LRRC9: variants seen among roughly 807,000 people sequenced by gnomAD.
LRRC9 encodes the protein leucine-rich repeat-containing protein 9.
A neutral mutation model predicts 63.2 loss-of-function variants in LRRC9; 122 were observed. The observed-to-expected ratio is 1.93, with a 90% CI of 1.67 to 2.24. The LOEUF (loss-of-function observed/expected upper bound fraction) is 2.24. Among genes scored for constraint, LRRC9 ranks in the 30% most tolerant of loss-of-function variants. LRRC9 has a pLI of 0.00. For synonymous variants in LRRC9, 366 were observed against 213.1 expected, an observed-to-expected ratio of 1.72 and a Z score of -6.25; for missense variants, 1,071 against 627.7, an observed-to-expected ratio of 1.71 and a Z score of -7.55.
chr14:59,928,140 T>A, intron 2 of LRRC9, 128 bp from the exon 3 acceptor site: 1 of 568,184 alleles, frequency 1.8e-6, no homozygotes, highest in Admixed American at 3.4e-5. Flanking sequence ...ATATGTGATA[T>A]AACTTTCTCT....
rs138999050 is a variant in LRRC9 at position 60,040,141 on chromosome 14, C to T, written c.3990+8078C>T. On this transcript the variant is annotated intron_variant, in intron 29 of 31. Transcript: ENST00000445360. ...GTGGTCTGAGAGACAGTTATAATTT[C>T]TGTTCTTTTATATTTGCTGAGGAGT... Among the ~76,000 whole-genome samples the T allele has an allele frequency of 4.2e-3, 637 of 151,898 alleles. 5 individuals carry two copies. Among genetic ancestry groups the T allele is most frequent in the Middle Eastern group, 6.8e-3 (2 of 294 alleles).
intron 7 of LRRC9, among the ~76,000 whole-genome samples, chr14:59,939,340 AT>A (rs1881504630): frequency 6.6e-6 from 1 of 151,950 alleles, no homozygotes; most frequent in Non-Finnish European, 1.5e-5. Context: ...TAGAGGCCAG[AT>A]TATGTGAGAC....
intron 12 of LRRC9, among the ~76,000 whole-genome samples, chr14:59,968,180 G>T (rs1278011374): frequency 6.6e-6 from 1 of 152,146 alleles, no homozygotes; most frequent in African/African-American, 2.4e-5. Context: ...GACAAAAATG[G>T]AAAAATATTG....
intron 31 of LRRC9, among the ~76,000 whole-genome samples, chr14:60,059,598 T>C (rs1274919383): frequency 1.3e-5 from 2 of 152,332 alleles, no homozygotes; most frequent in Middle Eastern, 3.4e-3. Context: ...ATTGCTGATA[T>C]GGATAAAGTG....
intron 26 of LRRC9, among the ~76,000 whole-genome samples, chr14:60,020,159 C>G (rs1044397398): frequency 1.3e-5 from 2 of 151,858 alleles, no homozygotes; most frequent in Non-Finnish European, 2.9e-5. Context: ...TGCTCTCTCG[C>G]TATAATTTTG....
intron 14 of LRRC9, among the ~76,000 whole-genome samples, chr14:59,977,642 AAG>A (rs1886449373): frequency 6.6e-6 from 1 of 151,840 alleles, no homozygotes; most frequent in Admixed American, 6.6e-5. Context: ...GACTTTTAAC[AAG>A]AGTTTTAGAG....
intron 1 of LRRC9, among the ~76,000 whole-genome samples, chr14:59,924,611 C>G (rs886727104): frequency 6.6e-6 from 1 of 152,146 alleles, no homozygotes; most frequent in Non-Finnish European, 1.5e-5. Flanking sequence ...TGCTTTTGCT[C>G]CAAACCCTAC....
At chr14:59,957,467 T>C (rs1883887963) in intron 8 of LRRC9, among the ~76,000 whole-genome samples, 1 of 152,108 alleles carries the variant, frequency 6.6e-6, no homozygotes, top group Non-Finnish European at 1.5e-5. Flanking sequence ...TGCTGTGTTT[T>C]TCAGCTCCAT....
intron 20 of LRRC9, 50 bp downstream of exon 20, chr14:60,002,150 T>C: frequency 1.5e-6 from 1 of 659,952 alleles, no homozygotes; most frequent in African/African-American, 1.8e-5. Context: ...TTAAATCTAT[T>C]TTTAAGTCAG....
chr14:59,978,288 A>G (rs1886538527), intron 15 of LRRC9, among the ~76,000 whole-genome samples, 156 bp downstream of exon 15: 1 of 152,242 alleles, frequency 6.6e-6, no homozygotes, highest in South Asian at 2.1e-4. Flanking sequence ...AAACAAGTCA[A>G]CTAATATTTT....
At chr14:59,934,113 G>C (rs1594813789) in intron 6 of LRRC9, among the ~76,000 whole-genome samples, 1 of 151,628 alleles carries the variant, frequency 6.6e-6, no homozygotes, top group East Asian at 1.9e-4. Context: ...GAAATTATGA[G>C]ACTATGAATT....
intron 29 of LRRC9, among the ~76,000 whole-genome samples, chr14:60,038,553 T>C (rs1442705524): frequency 1.3e-5 from 2 of 152,220 alleles, no homozygotes; most frequent in Admixed American, 6.5e-5. Context: ...TCACTCACAA[T>C]TTGGCTCTCT....
In LRRC9 at chr14:60,053,376, T is replaced by G. The variant is rs2140438468; in HGVS notation, c.4131+171T>G. Among the ~76,000 whole-genome samples, 1 of 121,772 alleles carries G rather than the reference T, an allele frequency of 8.2e-6. No individual in the cohort carries two copies. The highest frequency in any genetic ancestry group is 2.9e-4 in the South Asian group (1 of 3,498). The allele number at this position is 121,772 out of a possible 152,430, so 79.9% of individuals were successfully genotyped here. A position where few individuals can be genotyped will look rare whatever the true frequency, so the allele number is the denominator to read the frequency against. On this transcript the variant is annotated intron_variant, in intron 30 of 31. Coordinates refer to ENST00000445360, the Ensembl canonical transcript of LRRC9. This position sits in a 1 kb window ranked among gnomAD's most constrained non-coding sequence, Gnocchi z 4.8. ...GCAGCTGGATTTGGTGAATAGAGCATGCGTGCTCACACACACACACACACA... is the reference window on the plus strand; with the variant it reads ...GCAGCTGGATTTGGTGAATAGAGCAGGCGTGCTCACACACACACACACACA...
chr14:59,944,395 T>C (rs1178621505), intron 7 of LRRC9, among the ~76,000 whole-genome samples, 194 bp from the exon 8 acceptor site: 1 of 151,918 alleles, frequency 6.6e-6, no homozygotes, highest in Admixed American at 6.6e-5. Context: ...ATCTTTGGAA[T>C]TTTATATTTT....
intron 15 of LRRC9, 119 bp from the exon 16 acceptor site, chr14:59,981,729 A>G: frequency 1.6e-6 from 1 of 609,754 alleles, no homozygotes; most frequent in Non-Finnish European, 2.9e-6. Context: ...TGATTCTGAT[A>G]ATCACAGATA....
chr14:60,033,650 CA>C (rs1339771141), intron 29 of LRRC9, among the ~76,000 whole-genome samples: 2 of 152,110 alleles, frequency 1.3e-5, no homozygotes, highest in Admixed American at 1.3e-4. Flanking sequence ...TTATTGGATT[CA>C]ATTTGCTAAT....
intron 31 of LRRC9, among the ~76,000 whole-genome samples, chr14:60,062,503 C>T (rs1894716240): frequency 6.6e-6 from 1 of 152,212 alleles, no homozygotes; most frequent in Non-Finnish European, 1.5e-5. Context: ...CCTCTACCAA[C>T]TCACTCTACT....
chr14:59,960,350 GCCC>G (rs1884227977), intron 9 of LRRC9, among the ~76,000 whole-genome samples: 2 of 152,284 alleles, frequency 1.3e-5, no homozygotes, highest in Admixed American at 1.3e-4. Context: ...ACCTGGCAAA[GCCC>G]AAACACAGTA....
intron 29 of LRRC9, among the ~76,000 whole-genome samples, chr14:60,041,461 A>T (rs1295841556): frequency 6.7e-6 from 1 of 149,818 alleles, no homozygotes; most frequent in Non-Finnish European, 1.5e-5. Flanking sequence ...TGCATTTTTT[A>T]CTCTAAACTT....
Sources: allele counts gnomAD v4.1 joint callset (sites outside exome capture counted in the v4.1 genomes callset), GRCh38; gene constraint gnomAD v4.1.1; non-coding constraint Gnocchi (gnomAD v3.1); transcripts MANE v1.5; gene names NCBI Gene and HGNC (gene_info 2026-07-23, HGNC 2026-07-21).